KCNIP4: variants seen among roughly 807,000 people sequenced by gnomAD.
KCNIP4 encodes the protein Kv channel-interacting protein 4.
In KCNIP4, 12 loss-of-function variants were observed where a neutral mutation model predicts 34.0. The observed-to-expected ratio is 0.35, with a 90% CI of 0.23 to 0.57. The LOEUF is 0.57. Among genes scored for constraint, KCNIP4 ranks in the 20% least tolerant of loss-of-function variants. The probability of loss-of-function intolerance (pLI) is 0.83; values close to 1 mark genes in which losing one functional copy is unlikely to be tolerated. For missense variants in KCNIP4, 238 were observed against 311.7 expected (o/e 0.76, Z 1.78); for synonymous variants, 124 against 102.2 (o/e 1.21, Z -1.29).
In KCNIP4 at chr4:20,770,448, CATG is replaced by C. The variant is rs1482300478; in HGVS notation, c.289-11561_289-11559del. Among the ~76,000 whole-genome samples the C allele has an allele frequency of 1.3e-4, 19 of 148,972 alleles. No individual in the cohort carries two copies. The East Asian group carries it at 3.0e-3, about 23-fold the overall frequency. On this transcript the variant is annotated intron_variant, in intron 3 of 8. Transcript: ENST00000382152. ...ATTGATTAGATCACTTTCAAGTTGG[CATG>C]ATATCAGCCTAATAATATTGACCAA... is the stretch of plus-strand genomic sequence containing the variant.
chr4:21,429,124 G>T (rs566392030), intron 1 of KCNIP4, among the ~76,000 whole-genome samples: 3 of 152,008 alleles, frequency 2.0e-5, no homozygotes, highest in Non-Finnish European at 4.4e-5. Flanking sequence ...TCCTCTGTGC[G>T]CCGCCTATTC....
At chr4:21,701,569 A>G (rs1712844493) in intron 1 of KCNIP4, among the ~76,000 whole-genome samples, 1 of 152,228 alleles carries the variant, frequency 6.6e-6, no homozygotes, top group South Asian at 2.1e-4. Flanking sequence ...ATAAATAAAT[A>G]CAAATTAATA....
intron 1 of KCNIP4, among the ~76,000 whole-genome samples, chr4:21,722,419 G>T (rs1714881987): frequency 6.6e-6 from 1 of 152,008 alleles, no homozygotes; most frequent in African/African-American, 2.4e-5. Context: ...TTGGCCACTG[G>T]GTAGGAGAGA....
At chr4:21,717,795 A>T (rs540894395) in intron 1 of KCNIP4, among the ~76,000 whole-genome samples, 1 of 152,182 alleles carries the variant, frequency 6.6e-6, no homozygotes, top group Non-Finnish European at 1.5e-5. Flanking sequence ...CCTGCGTAAT[A>T]GTTCCTTCTT....
At chr4:21,818,745 T>G (rs553330894) in intron 1 of KCNIP4, among the ~76,000 whole-genome samples, 47 of 152,226 alleles carry the variant, frequency 3.1e-4, no homozygotes, top group Non-Finnish European at 5.7e-4. Flanking sequence ...AGAAATGTGA[T>G]TCTCTTAGAA....
chr4:21,544,251 C>G (rs1169917900), intron 1 of KCNIP4: 1 of 89,352 alleles, frequency 1.1e-5, no homozygotes, highest in Non-Finnish European at 3.0e-5. Context: ...CTGTCTCTTT[C>G]TCTCTCTCTC....
chr4:21,629,212 T>C (rs1299188189), intron 1 of KCNIP4, among the ~76,000 whole-genome samples: 1 of 152,184 alleles, frequency 6.6e-6, no homozygotes. Flanking sequence ...AGAAAATCTA[T>C]TTTAAAAGAA....
chr4:21,364,065 A>G (rs1378945874), intron 1 of KCNIP4, among the ~76,000 whole-genome samples: 1 of 152,132 alleles, frequency 6.6e-6, no homozygotes, highest in Non-Finnish European at 1.5e-5. Flanking sequence ...TGAGCCTCAT[A>G]AGTTATCTCT....
intron 1 of KCNIP4, among the ~76,000 whole-genome samples, chr4:21,149,930 A>G (rs1268063504): frequency 1.3e-5 from 2 of 152,256 alleles, no homozygotes; most frequent in Non-Finnish European, 2.9e-5. Context: ...ATGTCCTTTT[A>G]TAACACCCTA....
intron 1 of KCNIP4, among the ~76,000 whole-genome samples, chr4:21,318,096 C>CA (rs373219043): frequency 7.9e-5 from 12 of 152,312 alleles, no homozygotes; most frequent in African/African-American, 2.6e-4. Context: ...CCCTCAGACT[C>CA]AAACTTTCCA....
intron 1 of KCNIP4, among the ~76,000 whole-genome samples, chr4:21,584,165 A>G (rs1348025072): frequency 6.6e-6 from 1 of 151,976 alleles, no homozygotes; most frequent in African/African-American, 2.4e-5. Context: ...CCTCATTTTA[A>G]TTTTCCTTCT....
intron 1 of KCNIP4, among the ~76,000 whole-genome samples, chr4:21,518,165 G>A (rs1734917660): frequency 6.6e-6 from 1 of 152,006 alleles, no homozygotes; most frequent in African/African-American, 2.4e-5. Flanking sequence ...AAGATCAAGG[G>A]TAGTACACAC....
intron 1 of KCNIP4, among the ~76,000 whole-genome samples, chr4:21,241,959 T>A (rs1028208831): frequency 6.6e-6 from 1 of 151,698 alleles, no homozygotes; most frequent in African/African-American, 2.4e-5. Flanking sequence ...AGACAGAGAT[T>A]GAGACCATCC....
chr4:20,825,225 G>GTTTTTTTTTTTTT (rs71181592), intron 3 of KCNIP4, among the ~76,000 whole-genome samples: 5 of 113,636 alleles, frequency 4.4e-5, no homozygotes, highest in African/African-American at 1.0e-4. Context: ...TCAATTTTAC[G>GTTTTTTTTTTTTT]TTTTTTTTTT....
At chr4:21,476,442 C>T (rs1730983140) in intron 1 of KCNIP4, among the ~76,000 whole-genome samples, 1 of 151,986 alleles carries the variant, frequency 6.6e-6, no homozygotes, top group Non-Finnish European at 1.5e-5. Flanking sequence ...GAACTTTGGC[C>T]TCATAAGAAG....
chr4:21,342,347 A>T (rs1716840664), intron 1 of KCNIP4, among the ~76,000 whole-genome samples: 2 of 152,162 alleles, frequency 1.3e-5, no homozygotes, highest in African/African-American at 4.8e-5. Flanking sequence ...ATACATATAT[A>T]ATATATACAG....
intron 3 of KCNIP4, among the ~76,000 whole-genome samples, chr4:20,848,337 G>T (rs1172729099): frequency 6.6e-6 from 1 of 151,652 alleles, no homozygotes; most frequent in Non-Finnish European, 1.5e-5. Flanking sequence ...TAATTCACAA[G>T]GGGAAGAGAC....
intron 1 of KCNIP4, among the ~76,000 whole-genome samples, chr4:21,279,704 T>C (rs1386949186): frequency 5.3e-5 from 8 of 151,990 alleles, no homozygotes; most frequent in Admixed American, 5.3e-4. Flanking sequence ...ACCTCCCTGT[T>C]GATAACAAGT....
At chr4:21,571,829 T>C (rs536907738) in intron 1 of KCNIP4, among the ~76,000 whole-genome samples, 1 of 152,114 alleles carries the variant, frequency 6.6e-6, no homozygotes, top group Non-Finnish European at 1.5e-5. Flanking sequence ...TAGAAAAAGG[T>C]AAATGATCAT....
Sources: allele counts gnomAD v4.1 joint callset (sites outside exome capture counted in the v4.1 genomes callset), GRCh38; gene constraint gnomAD v4.1.1; transcripts MANE v1.5; gene names NCBI Gene and HGNC (gene_info 2026-07-23, HGNC 2026-07-21).